The following MARCHF11 variants were observed in gnomAD, a reference collection of about 807,000 sequenced individuals.
MARCHF11 encodes E3 ubiquitin-protein ligase MARCHF11.
In MARCHF11, 29 loss-of-function variants were observed where a neutral mutation model predicts 37.3. The ratio of observed to expected loss-of-function variants is 0.78; its 90% CI spans 0.58 to 1.06. MARCHF11 has a LOEUF of 1.06. Ranked by LOEUF, MARCHF11 falls within the 50% of genes least tolerant of loss-of-function variation. The pLI is 0.00. For synonymous variants in MARCHF11, 233 were observed against 228.0 expected (o/e 1.02, Z -0.20); for missense variants, 482 against 533.4 (o/e 0.90, Z 0.95).
At chr5:16,111,831 C>T (rs188770242) in intron 2 of MARCHF11, among the ~76,000 whole-genome samples, 14 of 152,276 alleles carry the variant, frequency 9.2e-5, no homozygotes, top group South Asian at 2.1e-4. Flanking sequence ...AGGCCTAAGA[C>T]CCCCATGATG....
intron 2 of MARCHF11, among the ~76,000 whole-genome samples, chr5:16,132,052 A>T (rs897102065): frequency 2.0e-5 from 3 of 152,262 alleles, no homozygotes; most frequent in Admixed American, 6.5e-5. Context: ...TCCCTGATCC[A>T]GAGCCCCATG....
chr5:16,165,729 G>A (rs1738157643), intron 2 of MARCHF11, among the ~76,000 whole-genome samples: 1 of 152,062 alleles, frequency 6.6e-6, no homozygotes, highest in Non-Finnish European at 1.5e-5. Context: ...ACTTATCAGT[G>A]ATAATGCTAT....
At chr5:16,156,890 A>G (rs1244625341) in intron 2 of MARCHF11, among the ~76,000 whole-genome samples, 2 of 151,900 alleles carry the variant, frequency 1.3e-5, no homozygotes, top group Non-Finnish European at 1.5e-5. Flanking sequence ...TAGAAAAGCT[A>G]CAGTAAAAAT....
intron 2 of MARCHF11, among the ~76,000 whole-genome samples, chr5:16,155,721 T>G (rs912269754): frequency 6.6e-6 from 1 of 151,914 alleles, no homozygotes; most frequent in Non-Finnish European, 1.5e-5. Context: ...GCCCGATTTT[T>G]GGGAATCAAG....
At position 16,077,039 on chromosome 5, in the gene MARCHF11, G is replaced by A. The variant is rs183086570; in HGVS notation, c.887-9246C>T. 1.2e-3 allele frequency among the ~76,000 whole-genome samples: 183 copies of A among 152,320 alleles called. 4 individuals are homozygous for A. Among genetic ancestry groups the A allele is most frequent in the African/African-American group, 4.3e-3 (180 of 41,574 alleles). On this transcript the variant is annotated intron_variant, in intron 3 of 3. Coordinates refer to ENST00000332432, the MANE Select transcript of MARCHF11 (RefSeq NM_001102562.3). ...ATTGCAGCGTTTGGATAGGATATAG[G>A]AGGATTACGGCAACCTTCACAATTT... is the stretch of plus-strand genomic sequence containing the variant.
intron 2 of MARCHF11, among the ~76,000 whole-genome samples, chr5:16,160,650 T>C (rs1738060312): frequency 6.6e-6 from 1 of 151,756 alleles, no homozygotes; most frequent in African/African-American, 2.4e-5. Flanking sequence ...AGAGTAAAGA[T>C]TTAAATGCCC....
chr5:16,177,580 T>C (rs1420976973), intron 2 of MARCHF11, 146 bp downstream of exon 2: 4 of 583,896 alleles, frequency 6.9e-6, no homozygotes, highest in Non-Finnish European at 1.1e-5. Context: ...AAAACACATG[T>C]TTACAAATTC....
rs542530727 is a variant in MARCHF11, at chr5:16,177,889, G to T, written c.538-8C>A. On this transcript the variant is annotated splice_region_variant and splice_polypyrimidine_tract_variant and intron_variant, in intron 1 of 3. Coordinates refer to ENST00000332432, the MANE Select transcript of MARCHF11 (RefSeq NM_001102562.3). Reference sequence around the variant, plus strand: ...GGGGTTCAACAACTCACCCTAAAAAGAAAACAGCTCAGTGTGAATATCTGT... The same window carrying T: ...GGGGTTCAACAACTCACCCTAAAAATAAAACAGCTCAGTGTGAATATCTGT... 11 of 1,603,248 alleles carry T rather than the reference G, an allele frequency of 6.9e-6. No homozygotes were observed. The African/African-American group carries it at 1.2e-4, about 18-fold the overall frequency.
At chr5:16,127,081 T>C (rs925037942) in intron 2 of MARCHF11, among the ~76,000 whole-genome samples, 1 of 152,134 alleles carries the variant, frequency 6.6e-6, no homozygotes, top group South Asian at 2.1e-4. Flanking sequence ...ATATAAACTA[T>C]TCAAGTTTCA....
At chr5:16,135,476 A>T (rs947932100) in intron 2 of MARCHF11, among the ~76,000 whole-genome samples, 4 of 152,214 alleles carry the variant, frequency 2.6e-5, no homozygotes, top group African/African-American at 9.6e-5. Flanking sequence ...CCTCCACCCT[A>T]TTGGCCATCT....
chr5:16,102,861 A>C (rs533695105), intron 2 of MARCHF11, among the ~76,000 whole-genome samples: 74 of 152,216 alleles, frequency 4.9e-4, no homozygotes, highest in African/African-American at 1.6e-3. Flanking sequence ...GGAGCCACTC[A>C]CCTGCATGCT....
chr5:16,170,083 C>T (rs916415228), intron 2 of MARCHF11, among the ~76,000 whole-genome samples: 3 of 152,206 alleles, frequency 2.0e-5, no homozygotes, highest in East Asian at 1.9e-4. Context: ...TATGTTACAA[C>T]CGTGCAAACT....
chr5:16,164,457 C>A (rs1738137664), intron 2 of MARCHF11, among the ~76,000 whole-genome samples: 1 of 152,028 alleles, frequency 6.6e-6, no homozygotes, highest in Admixed American at 6.6e-5. Context: ...CTCTCTAGGA[C>A]AGGCTGTGTG....
intron 3 of MARCHF11, among the ~76,000 whole-genome samples, chr5:16,070,463 C>T (rs1736414296): frequency 6.6e-6 from 1 of 152,188 alleles, no homozygotes; most frequent in South Asian, 2.1e-4. Flanking sequence ...AAAACAATTA[C>T]AGCCCGAGAC....
chr5:16,128,123 C>G (rs1239066157), intron 2 of MARCHF11, among the ~76,000 whole-genome samples: 1 of 152,122 alleles, frequency 6.6e-6, no homozygotes, highest in African/African-American at 2.4e-5. Flanking sequence ...GCTGAGGGTT[C>G]CATCTGCTTC....
At chr5:16,077,795 C>T (rs566185609) in intron 3 of MARCHF11, among the ~76,000 whole-genome samples, 6 of 152,244 alleles carry the variant, frequency 3.9e-5, no homozygotes, top group African/African-American at 1.4e-4. Flanking sequence ...TTGTTTCACT[C>T]AGAACCATGG....
intron 2 of MARCHF11, among the ~76,000 whole-genome samples, chr5:16,117,046 G>A (rs1484572942): frequency 7.2e-5 from 11 of 152,124 alleles, no homozygotes; most frequent in Non-Finnish European, 1.5e-4. Flanking sequence ...GTGACAAGTT[G>A]GAAACACACT....
chr5:16,164,873 T>C (rs1014580674), intron 2 of MARCHF11, among the ~76,000 whole-genome samples: 1 of 152,002 alleles, frequency 6.6e-6, no homozygotes, highest in African/African-American at 2.4e-5. Flanking sequence ...CATCCATGCT[T>C]CTACCCCTGC....
chr5:16,106,060 T>C (rs1165320390), intron 2 of MARCHF11, among the ~76,000 whole-genome samples: 1 of 152,140 alleles, frequency 6.6e-6, no homozygotes, highest in Admixed American at 6.5e-5. Flanking sequence ...AGTTTCATAA[T>C]GGGAGCTGGG....
Sources: allele counts gnomAD v4.1 joint callset (sites outside exome capture counted in the v4.1 genomes callset), GRCh38; gene constraint gnomAD v4.1.1; transcripts MANE v1.5; gene names NCBI Gene and HGNC (gene_info 2026-07-23, HGNC 2026-07-21).